PALS2: variants seen among roughly 807,000 people sequenced by gnomAD.
PALS2 encodes the protein protein PALS2.
Under a neutral mutation model 61.6 loss-of-function variants are expected in PALS2, and 27 were observed. The observed-to-expected ratio is 0.44, with a 90% CI of 0.32 to 0.60. The LOEUF is 0.60. Ranked by LOEUF, PALS2 falls within the 20% of genes least tolerant of loss-of-function variation. The pLI is 0.05. For synonymous variants in PALS2, 236 were observed against 218.6 expected (o/e 1.08, Z -0.70); for missense variants, 554 against 639.4 (o/e 0.87, Z 1.44).
At chr7:24,668,239 G>A (rs117460127) in intron 8 of PALS2, among the ~76,000 whole-genome samples, 5,470 of 152,192 alleles carry the variant, frequency 0.036, 144 homozygotes, top group South Asian at 0.085. Context: ...GAGCCCAGGA[G>A]TTCAAGGGTA....
rs1783537065 is a variant in PALS2, at chr7:24,596,685, ATT to A, written c.-3+23094_-3+23095del. On this transcript the variant is annotated intron_variant, in intron 1 of 11. Coordinates refer to ENST00000222644, the MANE Select transcript of PALS2 (RefSeq NM_001303037.2). This position sits in a 1 kb window ranked among gnomAD's most constrained non-coding sequence, Gnocchi z 4.5. Reference sequence around the variant, plus strand: ...GTGAGAGTAAATTGGCAACAGTGCTATTTATTTGAGCTCTGTTTAAAAAGGAA... The same window carrying A: ...GTGAGAGTAAATTGGCAACAGTGCTATATTTGAGCTCTGTTTAAAAAGGAA... Among the ~76,000 whole-genome samples the A allele has an allele frequency of 6.6e-6, 1 of 152,122 alleles. No individual in the cohort carries two copies. The highest frequency in any genetic ancestry group is 1.5e-5 in the Non-Finnish European group (1 of 68,020).
At chr7:24,666,111 A>C in intron 8 of PALS2, 22 bp downstream of exon 8, 1 of 1,578,576 alleles carries the variant, frequency 6.3e-7, no homozygotes, top group South Asian at 1.1e-5. Flanking sequence ...ATACTTTTTG[A>C]GAAGTCCAAG....
chr7:24,684,140 G>T (rs377236636), intron 11 of PALS2, among the ~76,000 whole-genome samples: 1 of 150,444 alleles, frequency 6.6e-6, no homozygotes, highest in African/African-American at 2.5e-5. Flanking sequence ...TTTTTCTGTC[G>T]CCAGGCTGGA....
intron 1 of PALS2, chr7:24,574,190 G>GGTTAAGT (rs1782563043): frequency 6.6e-6 from 1 of 152,266 alleles, no homozygotes; most frequent in African/African-American, 2.4e-5. Flanking sequence ...CGAGGTACGA[G>GGTTAAGT]ACTCCAGTTG....
chr7:24,670,859 G>C (rs188942356), intron 9 of PALS2, among the ~76,000 whole-genome samples: 272 of 152,254 alleles, frequency 1.8e-3, no homozygotes, highest in Middle Eastern at 0.01. Flanking sequence ...GCATTTATCA[G>C]TACTTATTTT....
At chr7:24,676,628 A>AGG (rs1787610546) in intron 9 of PALS2, among the ~76,000 whole-genome samples, 6 of 152,084 alleles carry the variant, frequency 3.9e-5, no homozygotes, top group Admixed American at 3.9e-4. Flanking sequence ...TTTATTAAAT[A>AGG]GGGAATCCTT....
chr7:24,590,983 C>G (rs926179531), intron 1 of PALS2, among the ~76,000 whole-genome samples: 13 of 151,882 alleles, frequency 8.6e-5, no homozygotes, highest in African/African-American at 3.1e-4. Flanking sequence ...TTTCTAACTT[C>G]TAAGCAGTTC....
chr7:24,575,369 T>G (rs188326605), intron 1 of PALS2, among the ~76,000 whole-genome samples: 1 of 152,268 alleles, frequency 6.6e-6, no homozygotes, highest in East Asian at 1.9e-4. Context: ...TTAGGCCAAC[T>G]GTTGGATTTT....
chr7:24,587,040 TG>T (rs1783093910), intron 1 of PALS2, among the ~76,000 whole-genome samples: 1 of 151,198 alleles, frequency 6.6e-6, no homozygotes, highest in Non-Finnish European at 1.5e-5. Context: ...ATTTTTTTTT[TG>T]TTTTTTGTTT....
At chr7:24,621,539 A>C (rs1386432268) in intron 1 of PALS2, among the ~76,000 whole-genome samples, 2 of 152,058 alleles carry the variant, frequency 1.3e-5, no homozygotes, top group Admixed American at 1.3e-4. Context: ...GAAAATAGAT[A>C]ATGTCCAAAA....
At chr7:24,647,015 T>C (rs555828178) in intron 3 of PALS2, among the ~76,000 whole-genome samples, 13 of 152,210 alleles carry the variant, frequency 8.5e-5, no homozygotes, top group Middle Eastern at 3.4e-3. Flanking sequence ...TCATTTCTAA[T>C]TGTGTTTATT....
At chr7:24,640,745 A>T (rs1448477784) in intron 2 of PALS2, among the ~76,000 whole-genome samples, 1 of 152,330 alleles carries the variant, frequency 6.6e-6, no homozygotes, top group East Asian at 1.9e-4. Context: ...GCGGTGGCTC[A>T]TGCCTGTAAT....
Position 24,668,507 on chromosome 7 carries a change from C to T in PALS2, c.961C>T (p.Arg321Cys), listed in dbSNP as rs1290964278. ...TTTCCTTTTTCATTTAGAATTTGAT[C>T]GTCATGAAATCCAGATATATGAGGA... ...YLTTRNAEFDRHEIQIYEEVA... is the reference protein window; with the variant it reads ...YLTTRNAEFDCHEIQIYEEVA... Residue 321 changes from arginine to cysteine, a missense_variant, in exon 9 of 12, where the codon CGT (arginine) becomes TGT (cysteine). Arg to Cys is a radical substitution (Grantham distance 180, BLOSUM62 -3). Coordinates refer to ENST00000222644, the MANE Select transcript of PALS2 (RefSeq NM_001303037.2). The T allele has an allele frequency of 3.1e-6, 5 of 1,609,576 alleles. No individual in the cohort carries two copies. Among genetic ancestry groups the T allele is most frequent in the South Asian group, 1.1e-5 (1 of 90,398 alleles).
intron 5 of PALS2, among the ~76,000 whole-genome samples, chr7:24,659,710 A>G (rs2721816): frequency 0.21 from 32,613 of 152,130 alleles, 4,037 homozygotes; most frequent in African/African-American, 0.35. Context: ...TCTTGACCGT[A>G]TACAACTTCT....
intron 2 of PALS2, among the ~76,000 whole-genome samples, chr7:24,627,021 T>TAATAG (rs1784778099): frequency 6.6e-6 from 1 of 152,210 alleles, no homozygotes; most frequent in Non-Finnish European, 1.5e-5. Flanking sequence ...CAAGTGGACC[T>TAATAG]AATAGACATC....
chr7:24,657,430 C>T (rs930068138), intron 5 of PALS2, among the ~76,000 whole-genome samples: 4 of 152,118 alleles, frequency 2.6e-5, no homozygotes, highest in Admixed American at 2.6e-4. Context: ...TGGTATCTCA[C>T]TGTGATTTTA....
chr7:24,576,846 C>T (rs1782658976), intron 1 of PALS2, among the ~76,000 whole-genome samples: 1 of 152,102 alleles, frequency 6.6e-6, no homozygotes, highest in East Asian at 1.9e-4. Flanking sequence ...TTTTAGTGTT[C>T]ATTTCACCGC....
rs372072157 is a variant in PALS2, at chr7:24,621,174, T to C, written c.-2-2492T>C. ...CTTATGTCATCTTTCTTCATGTTAATCCAATACTTGTTTTCCTTCTCCTTT... is the reference window on the plus strand; with the variant it reads ...CTTATGTCATCTTTCTTCATGTTAACCCAATACTTGTTTTCCTTCTCCTTT... On this transcript the variant is annotated intron_variant, in intron 1 of 11. Coordinates refer to ENST00000222644, the MANE Select transcript of PALS2 (RefSeq NM_001303037.2). Among the ~76,000 whole-genome samples, 14 of 152,228 alleles carry C rather than the reference T, an allele frequency of 9.2e-5. No individual in the cohort carries two copies. In the East Asian group the frequency reaches 2.1e-3, roughly 23 times the overall value.
At chr7:24,582,364 A>C (rs557821851) in intron 1 of PALS2, among the ~76,000 whole-genome samples, 37 of 152,304 alleles carry the variant, frequency 2.4e-4, no homozygotes, top group African/African-American at 8.7e-4. Context: ...AACAGCATCC[A>C]ATCTGGTGAT....
Sources: allele counts gnomAD v4.1 joint callset (sites outside exome capture counted in the v4.1 genomes callset), GRCh38; gene constraint gnomAD v4.1.1; non-coding constraint Gnocchi (gnomAD v3.1); transcripts MANE v1.5; gene names NCBI Gene and HGNC (gene_info 2026-07-23, HGNC 2026-07-21).